ARHGEF7: variants seen among roughly 807,000 people sequenced by gnomAD.
ARHGEF7 encodes the protein PAK-interacting exchange factor beta.
In ARHGEF7, 33 loss-of-function variants were observed where a neutral mutation model predicts 109.8. The ratio of observed to expected loss-of-function variants is 0.30; its 90% CI spans 0.23 to 0.40. The LOEUF is 0.40. Among genes scored for constraint, ARHGEF7 ranks in the 10% least tolerant of loss-of-function variants. The pLI, the probability that ARHGEF7 is intolerant of heterozygous loss-of-function variation, is 1.00. For synonymous variants in ARHGEF7, 458 were observed against 424.6 expected, an observed-to-expected ratio of 1.08 and a Z score of -0.97; for missense variants, 938 against 1,098.5, an observed-to-expected ratio of 0.85 and a Z score of 2.07.
chr13:111,166,160 G>A (rs2153404152), intron 2 of ARHGEF7, among the ~76,000 whole-genome samples: 1 of 152,278 alleles, frequency 6.6e-6, no homozygotes, highest in African/African-American at 2.4e-5. Flanking sequence ...GTCTATCCTT[G>A]CTTTTCTCCA....
chr13:111,181,074 C>T (rs1233117632), intron 2 of ARHGEF7, among the ~76,000 whole-genome samples: 4 of 152,186 alleles, frequency 2.6e-5, no homozygotes, highest in Non-Finnish European at 5.9e-5. Flanking sequence ...GCTCCTGTCC[C>T]TGTTGTATTT....
chr13:111,160,196 C>T (rs538555826), intron 2 of ARHGEF7, among the ~76,000 whole-genome samples: 13 of 152,282 alleles, frequency 8.5e-5, no homozygotes, highest in African/African-American at 2.9e-4. Context: ...CTCTATTCTG[C>T]TCTGTTGGTC....
At chr13:111,116,289 T>G (rs1344120835) in intron 1 of ARHGEF7, 1 of 122,822 alleles carries the variant, frequency 8.1e-6, no homozygotes, top group Non-Finnish European at 1.8e-5. Context: ...CCTGGCACTC[T>G]TCAAGGCTTG....
At chr13:111,146,861 C>G (rs1427600574) in intron 1 of ARHGEF7, among the ~76,000 whole-genome samples, 3 of 152,166 alleles carry the variant, frequency 2.0e-5, no homozygotes, top group Non-Finnish European at 4.4e-5. Context: ...TAATTTGCAG[C>G]AAATTTTCAT....
intron 8 of ARHGEF7, among the ~76,000 whole-genome samples, chr13:111,263,047 T>A (rs1312806299): frequency 6.6e-6 from 1 of 152,186 alleles, no homozygotes; most frequent in African/African-American, 2.4e-5. Context: ...GAGGGGAACA[T>A]CCCCTCCTTT....
intron 2 of ARHGEF7, among the ~76,000 whole-genome samples, chr13:111,169,940 G>A (rs1306125139): frequency 1.3e-5 from 2 of 152,174 alleles, no homozygotes; most frequent in Non-Finnish European, 2.9e-5. Flanking sequence ...ATATCAGGGG[G>A]TGAGGTGAGA....
At chr13:111,225,724 C>G (rs188208615) in intron 5 of ARHGEF7, among the ~76,000 whole-genome samples, 129 of 152,242 alleles carry the variant, frequency 8.5e-4, no homozygotes, top group African/African-American at 3.0e-3. Context: ...GAACCATGCC[C>G]ATGTAAGATG....
intron 8 of ARHGEF7, among the ~76,000 whole-genome samples, chr13:111,261,789 A>G (rs1170057512): frequency 1.3e-5 from 2 of 152,256 alleles, no homozygotes; most frequent in Non-Finnish European, 2.9e-5. Context: ...CCACAATGGA[A>G]TAAAACTAGA....
Position 111,286,154 on chromosome 13 carries a change from G to C in ARHGEF7, c.1958G>C (p.Ser653Thr), listed in dbSNP as rs970546042. 3.1e-6 allele frequency: 5 copies of C among 1,613,406 alleles called. No homozygotes were observed. Among genetic ancestry groups the C allele is most frequent in the Non-Finnish European group, 4.2e-6 (5 of 1,179,442 alleles). ...TCTTTTGTCTTTCCCTAGGATCTTA[G>C]TAAGAGCCCTAAGACCATGAAAAAG... ...SAALCYKEDL[S>T]KSPKTMKKLL... Residue 653 changes from serine (S) to threonine (T), a missense_variant, in exon 17 of 22, where the codon AGT (serine) becomes ACT (threonine). Coordinates refer to ENST00000646102, the MANE Select transcript of ARHGEF7 (RefSeq NM_001354046.2).
At position 111,293,348 on chromosome 13, in the gene ARHGEF7, C is replaced by A. The variant is rs905275594; in HGVS notation, c.2311+1054C>A. Reference sequence around the variant, plus strand: ...TGCAGTGAAACTCCATTTACAGCAACCCCATAGTATAAAACCACAATGCCT... The same window carrying A: ...TGCAGTGAAACTCCATTTACAGCAAACCCATAGTATAAAACCACAATGCCT... On this transcript the variant is annotated intron_variant, in intron 19 of 21. Coordinates refer to ENST00000646102, the MANE Select transcript of ARHGEF7 (RefSeq NM_001354046.2). 16 of 984,856 alleles carry A rather than the reference C, an allele frequency of 1.6e-5. No individual in the cohort carries two copies. In the African/African-American group the frequency reaches 2.8e-4, roughly 17 times the overall value. The allele number at this position is 984,856 out of a possible 1,614,324, so 61.0% of individuals were successfully genotyped here.
intron 19 of ARHGEF7, chr13:111,293,873 T>G (rs1200161206): frequency 1.0e-6 from 1 of 985,286 alleles, no homozygotes; most frequent in Non-Finnish European, 1.2e-6. Flanking sequence ...GGGAGCCGGG[T>G]CCTGCTGCTC....
At chr13:111,227,005 T>C (rs1233303385) in intron 5 of ARHGEF7, among the ~76,000 whole-genome samples, 1 of 152,126 alleles carries the variant, frequency 6.6e-6, no homozygotes, top group East Asian at 1.9e-4. Flanking sequence ...ACCTGTGTGG[T>C]GGGAACAGCA....
chr13:111,278,900 C>T (rs1250194319), intron 13 of ARHGEF7, among the ~76,000 whole-genome samples: 1 of 152,148 alleles, frequency 6.6e-6, no homozygotes, highest in East Asian at 1.9e-4. Flanking sequence ...ACTGGATTTG[C>T]CCTTGATGTG....
chr13:111,234,115 C>T (rs2086470556), intron 6 of ARHGEF7, among the ~76,000 whole-genome samples: 2 of 152,182 alleles, frequency 1.3e-5, no homozygotes, highest in Non-Finnish European at 1.5e-5. Context: ...TCTTCATTTT[C>T]TTCTTGAGTA....
Position 111,131,561 on chromosome 13 carries a change from G to A in ARHGEF7, c.165+15870G>A, listed in dbSNP as rs773090142. ...CTTACAGGGCAGTTAAAGTGCGAAC[G>A]TGAGAAGGCCAAGGGCCAGCCTTGG... On this transcript the variant is annotated intron_variant, in intron 1 of 21. Transcript: ENST00000646102. The surrounding 1 kb of genome is among the most constrained non-coding windows in gnomAD (Gnocchi z 4.4). Among the ~76,000 whole-genome samples the A allele has an allele frequency of 2.0e-5, 3 of 152,326 alleles. No individual in the cohort carries two copies. Among genetic ancestry groups the A allele is most frequent in the South Asian group, 2.1e-4 (1 of 4,826 alleles).
Position 111,253,173 on chromosome 13 carries a change from A to G in ARHGEF7, c.950+8879A>G, listed in dbSNP as rs550622622. Among the ~76,000 whole-genome samples, 24 of 152,350 alleles carry G rather than the reference A, an allele frequency of 1.6e-4. No individual in the cohort carries two copies. In the South Asian group the frequency reaches 3.3e-3, roughly 21 times the overall value. The stretch of plus-strand genomic sequence containing the variant: ...CAGTTTTCCTTCAAACTATTGTTCT[A>G]TGTGTCGGAGAATTCCCTGTACTAC... On this transcript the variant is annotated intron_variant, in intron 8 of 21. Transcript: ENST00000646102.
intron 2 of ARHGEF7, among the ~76,000 whole-genome samples, chr13:111,194,150 G>T (rs2080227080): frequency 6.6e-6 from 1 of 152,166 alleles, no homozygotes; most frequent in Non-Finnish European, 1.5e-5. Context: ...TCCTTAGTTA[G>T]GTATGCCACC....
At chr13:111,270,943 G>C (rs2092089722) in intron 9 of ARHGEF7, among the ~76,000 whole-genome samples, 1 of 152,194 alleles carries the variant, frequency 6.6e-6, no homozygotes, top group Admixed American at 6.5e-5. Context: ...GTAAGAACTG[G>C]GCGGAGGGGA....
At chr13:111,250,381 G>A (rs2089588373) in intron 8 of ARHGEF7, among the ~76,000 whole-genome samples, 1 of 152,212 alleles carries the variant, frequency 6.6e-6, no homozygotes, top group South Asian at 2.1e-4. Flanking sequence ...GATAGAGCCT[G>A]TCCTGGTGGA....
Sources: gnomAD v4.1 joint callset for allele counts (sites outside exome capture counted in the v4.1 genomes callset) on GRCh38, gnomAD v4.1.1 for gene constraint, Gnocchi (gnomAD v3.1) non-coding constraint, MANE v1.5 for transcripts, NCBI Gene and HGNC (gene_info 2026-07-23, HGNC 2026-07-21) for gene names.